The following LAMA3 variants were observed in gnomAD, a reference collection of about 807,000 sequenced individuals.
The protein encoded by LAMA3 is laminin subunit alpha-3.
Under a neutral mutation model 402.0 loss-of-function variants are expected in LAMA3, and 281 were observed. That is an observed-to-expected ratio of 0.70 (90% CI 0.63 to 0.77). The LOEUF is 0.77. Among genes scored for constraint, LAMA3 ranks in the 30% least tolerant of loss-of-function variants. LAMA3 has a pLI of 0.00. For synonymous variants in LAMA3, 1,431 were observed against 1,558.4 expected (o/e 0.92, Z 1.93); for missense variants, 3,840 against 4,215.5 (o/e 0.91, Z 2.47).
chr18:23,806,305 G>C (rs935189252), intron 12 of LAMA3, among the ~76,000 whole-genome samples: 1 of 152,190 alleles, frequency 6.6e-6, no homozygotes. Flanking sequence ...ATTGCTGTCT[G>C]TCTGTTTAAA....
rs577325386 is a variant in LAMA3, at chr18:23,954,073, G to A, written c.9857-430G>A. The stretch of plus-strand genomic sequence containing the variant: ...TGCCTGAAGTGGAGAGGGCTGAGTG[G>A]GCTGAGATGTGAAGTCACTTTAGCT... On this transcript the variant is annotated intron_variant, in intron 74 of 74. Coordinates refer to ENST00000313654, the MANE Select transcript of LAMA3 (RefSeq NM_198129.4). Among the ~76,000 whole-genome samples the A allele has an allele frequency of 2.0e-5, 3 of 152,246 alleles. No individual in the cohort carries two copies. In the East Asian group the frequency reaches 5.8e-4, roughly 29 times the overall value.
intron 40 of LAMA3, 27 bp downstream of exon 40, chr18:23,882,072 C>T: frequency 6.5e-7 from 1 of 1,535,550 alleles, no homozygotes; most frequent in South Asian, 1.1e-5. Flanking sequence ...ACATAACCTA[C>T]AGGGACCCAA....
chr18:23,939,754 T>C (rs2082433498), intron 68 of LAMA3, among the ~76,000 whole-genome samples: 1 of 152,238 alleles, frequency 6.6e-6, no homozygotes, highest in Non-Finnish European at 1.5e-5. Context: ...AAAATCATTC[T>C]TTTTTGGTAG....
intron 12 of LAMA3, among the ~76,000 whole-genome samples, chr18:23,801,094 A>G (rs2062857666): frequency 6.6e-6 from 1 of 152,220 alleles, no homozygotes; most frequent in Non-Finnish European, 1.5e-5. Flanking sequence ...ACCATGGAAT[A>G]GTATGCAGCC....
chr18:23,947,735 A>T (rs1016886479), intron 70 of LAMA3, among the ~76,000 whole-genome samples: 24 of 151,952 alleles, frequency 1.6e-4, no homozygotes, highest in Non-Finnish European at 5.9e-5. Flanking sequence ...TTATATATAT[A>T]ATATACACCA....
intron 11 of LAMA3, among the ~76,000 whole-genome samples, chr18:23,783,821 GT>G (rs538968292): frequency 1.3e-5 from 2 of 151,680 alleles, no homozygotes; most frequent in Non-Finnish European, 2.9e-5. Context: ...ATCCTTACGT[GT>G]TTTTTTTAAT....
At chr18:23,732,840 G>T (rs552519375) in intron 2 of LAMA3, among the ~76,000 whole-genome samples, 64 of 152,128 alleles carry the variant, frequency 4.2e-4, no homozygotes, top group Non-Finnish European at 8.7e-4. Context: ...TGTTGTAAAG[G>T]CCACAAAACA....
chr18:23,736,100 C>T (rs902961954), intron 2 of LAMA3, among the ~76,000 whole-genome samples: 1 of 151,766 alleles, frequency 6.6e-6, no homozygotes, highest in Non-Finnish European at 1.5e-5. Context: ...TGTAGTAAGG[C>T]ACAAGGAGAT....
At chr18:23,903,600 A>C (rs2081145658) in intron 49 of LAMA3, among the ~76,000 whole-genome samples, 1 of 152,210 alleles carries the variant, frequency 6.6e-6, no homozygotes, top group Non-Finnish European at 1.5e-5. Flanking sequence ...GGTGTGCTGC[A>C]CCCAGTAACT....
chr18:23,921,633 A>G, intron 62 of LAMA3, 48 bp downstream of exon 62: 3 of 1,602,114 alleles, frequency 1.9e-6, no homozygotes, highest in Non-Finnish European at 2.6e-6. Flanking sequence ...GTTAGTGGTT[A>G]TGATTGTGAC....
In LAMA3 at chr18:23,697,388, C is replaced by A. The variant is rs138311971; in HGVS notation, c.294+7411C>A. 7.7e-3 allele frequency among the ~76,000 whole-genome samples: 1,174 copies of A among 152,290 alleles called. 15 individuals carry two copies. The highest frequency in any genetic ancestry group is 0.065 in the South Asian group (315 of 4,822). ...AGGGAGTTTTGGTCAACGACGCAGGCTGTACTGGCTCAGGAGCCTCTCATA... is the reference window on the plus strand; with the variant it reads ...AGGGAGTTTTGGTCAACGACGCAGGATGTACTGGCTCAGGAGCCTCTCATA... On this transcript the variant is annotated intron_variant, in intron 1 of 74. Transcript: ENST00000313654.
intron 32 of LAMA3, among the ~76,000 whole-genome samples, chr18:23,856,538 T>A (rs2064083562): frequency 6.6e-6 from 1 of 152,116 alleles, no homozygotes; most frequent in Non-Finnish European, 1.5e-5. Context: ...CAACCTCGAG[T>A]TCTGGGTTCT....
intron 72 of LAMA3, among the ~76,000 whole-genome samples, chr18:23,950,805 C>G (rs895560014): frequency 2.6e-5 from 4 of 152,162 alleles, no homozygotes; most frequent in African/African-American, 9.7e-5. Context: ...CTATTGTAGT[C>G]TTTAATTAAG....
intron 1 of LAMA3, among the ~76,000 whole-genome samples, chr18:23,706,711 G>A (rs146257153): frequency 0.014 from 2,151 of 152,224 alleles, 25 homozygotes; most frequent in South Asian, 0.067. Flanking sequence ...AGAGTTCTTC[G>A]TTGATTTTAA....
intron 2 of LAMA3, among the ~76,000 whole-genome samples, chr18:23,724,949 C>G (rs1871403665): frequency 6.6e-6 from 1 of 152,114 alleles, no homozygotes; most frequent in African/African-American, 2.4e-5. Context: ...AAATGGTCTT[C>G]CTTCACTCTT....
chr18:23,900,313 C>T (rs868675097), intron 47 of LAMA3, among the ~76,000 whole-genome samples: 3 of 152,182 alleles, frequency 2.0e-5, no homozygotes, highest in South Asian at 2.1e-4. Flanking sequence ...TCAAGCAATA[C>T]GCCTGCCTTG....
intron 1 of LAMA3, among the ~76,000 whole-genome samples, chr18:23,711,369 G>A (rs1470766554): frequency 6.6e-6 from 1 of 152,156 alleles, no homozygotes; most frequent in Non-Finnish European, 1.5e-5. Context: ...GCTAACGTGA[G>A]TGCTAAAGCT....
intron 38 of LAMA3, among the ~76,000 whole-genome samples, chr18:23,874,349 A>G (rs543214247): frequency 1.3e-5 from 2 of 152,368 alleles, no homozygotes; most frequent in Admixed American, 1.3e-4. Context: ...CATTTCGTTC[A>G]CATGTAAATC....
rs532436101 is a variant in LAMA3, at chr18:23,784,709, C to T, written c.1603+552C>T. Among the ~76,000 whole-genome samples the T allele has an allele frequency of 9.2e-5, 14 of 152,256 alleles. No homozygotes were observed. The South Asian group carries it at 2.1e-3, about 23-fold the overall frequency. ...GATGGAAGGTGGGAGGAGGAAGTGT[C>T]TGGTCCGGTCCCTAGAGCATGGCAG... On this transcript the variant is annotated intron_variant, in intron 12 of 74. Coordinates refer to ENST00000313654, the MANE Select transcript of LAMA3 (RefSeq NM_198129.4).
Sources: gnomAD v4.1 joint callset for allele counts (sites outside exome capture counted in the v4.1 genomes callset) on GRCh38, gnomAD v4.1.1 for gene constraint, MANE v1.5 for transcripts, NCBI Gene and HGNC (gene_info 2026-07-23, HGNC 2026-07-21) for gene names.